NPAS3: variants seen among roughly 807,000 people sequenced by gnomAD.
NPAS3 encodes the protein neuronal PAS domain protein 3, also known as neuronal PAS domain-containing protein 3.
In NPAS3, 14 loss-of-function variants were observed where a neutral mutation model predicts 73.1. The ratio of observed to expected loss-of-function variants is 0.19; its 90% CI spans 0.13 to 0.30. The LOEUF (loss-of-function observed/expected upper bound fraction) is 0.30, where lower values mean the gene tolerates loss of function less well. Among genes scored for constraint, NPAS3 ranks in the 10% least tolerant of loss-of-function variants. NPAS3 has a pLI of 1.00. For missense variants in NPAS3, 1,096 were observed against 1,250.0 expected (o/e 0.88, Z 1.86); for synonymous variants, 620 against 541.5 (o/e 1.14, Z -2.01).
intron 4 of NPAS3, among the ~76,000 whole-genome samples, chr14:33,494,501 G>C (rs1233385798): frequency 6.6e-6 from 1 of 152,112 alleles, no homozygotes; most frequent in Non-Finnish European, 1.5e-5. Context: ...CTCAAAACAA[G>C]TTGCTTCCCA....
At chr14:33,365,842 A>G (rs1283967583) in intron 3 of NPAS3, among the ~76,000 whole-genome samples, 1 of 152,166 alleles carries the variant, frequency 6.6e-6, no homozygotes, top group Non-Finnish European at 1.5e-5. Flanking sequence ...CCCACTCACC[A>G]ACTTAGTAAC....
At chr14:32,936,690 T>G (rs1350165199), upstream of NPAS3, among the ~76,000 whole-genome samples, 1 of 152,098 alleles carries the variant, frequency 6.6e-6, no homozygotes, top group East Asian at 1.9e-4. Context: ...CCATATAAAT[T>G]GGGCATAAAA....
intron 4 of NPAS3, among the ~76,000 whole-genome samples, chr14:33,409,098 G>A (rs2047798293): frequency 6.6e-6 from 1 of 152,116 alleles, no homozygotes; most frequent in East Asian, 1.9e-4. Flanking sequence ...TTAAATGCTT[G>A]ACTTTATTTG....
At chr14:33,436,432 T>G (rs2048994555) in intron 4 of NPAS3, among the ~76,000 whole-genome samples, 1 of 152,234 alleles carries the variant, frequency 6.6e-6, no homozygotes, top group Middle Eastern at 3.2e-3. Flanking sequence ...TATTAACTGC[T>G]TATTTCAATG....
chr14:33,456,142 T>C (rs8003435), intron 4 of NPAS3, among the ~76,000 whole-genome samples: 133,734 of 152,238 alleles, frequency 0.88, 58,910 homozygotes, highest in East Asian at 0.98. Flanking sequence ...ATCTGTGAGA[T>C]ATGGCTTCCA....
chr14:33,563,587 TAAC>T (rs1288746461), intron 5 of NPAS3, among the ~76,000 whole-genome samples: 1 of 139,846 alleles, frequency 7.2e-6, no homozygotes, highest in African/African-American at 2.8e-5. Flanking sequence ...ATATTTAACC[TAAC>T]AACATCCAAG....
In NPAS3 at chr14:33,014,701, T is replaced by C. The variant is rs545744341; in HGVS notation, c.51-41204T>C. On this transcript the variant is annotated intron_variant, in intron 1 of 11. Coordinates refer to ENST00000356141, the Ensembl canonical transcript of NPAS3. Reference sequence around the variant, plus strand: ...TGGGTAATAATATTACTTCTTAGATTATTTTTTGATGAGGGAAAAATGAAT... The same window carrying C: ...TGGGTAATAATATTACTTCTTAGATCATTTTTTGATGAGGGAAAAATGAAT... Among the ~76,000 whole-genome samples, 12 of 152,336 alleles carry C rather than the reference T, an allele frequency of 7.9e-5. No homozygotes were observed. In the South Asian group the frequency reaches 2.5e-3, roughly 32 times the overall value.
At chr14:33,115,349 T>C (rs1279229629) in intron 2 of NPAS3, among the ~76,000 whole-genome samples, 3 of 152,126 alleles carry the variant, frequency 2.0e-5, no homozygotes, top group African/African-American at 7.2e-5. Context: ...AGGCTAGTCT[T>C]CCCAGAGGTT....
rs2055111850 is a variant in NPAS3, at chr14:33,551,475, G to T, written c.469-8646G>T. On this transcript the variant is annotated intron_variant, in intron 4 of 11. Coordinates refer to ENST00000356141, the Ensembl canonical transcript of NPAS3. ...TGTGGGTTTCCCTGCCAACATCAGGGGTGTGTTTTCAGGTAAGTGAGGCTG... is the reference window on the plus strand; with the variant it reads ...TGTGGGTTTCCCTGCCAACATCAGGTGTGTGTTTTCAGGTAAGTGAGGCTG... Among the ~76,000 whole-genome samples, 3 of 152,110 alleles carry T rather than the reference G, an allele frequency of 2.0e-5. 1 individual carries two copies. The South Asian group carries it at 6.2e-4, about 32-fold the overall frequency.
At chr14:33,052,311 C>T (rs186400269) in intron 1 of NPAS3, among the ~76,000 whole-genome samples, 78 of 152,168 alleles carry the variant, frequency 5.1e-4, no homozygotes, top group African/African-American at 1.8e-3. Context: ...TCTCTGGTAG[C>T]TTATCTTCCC....
intron 5 of NPAS3, among the ~76,000 whole-genome samples, chr14:33,600,221 CTGTT>C (rs1472151199): frequency 1.3e-5 from 2 of 152,170 alleles, no homozygotes; most frequent in African/African-American, 2.4e-5. Context: ...CTTTGAAAAA[CTGTT>C]TGACTAGTGC....
chr14:33,018,382 A>G (rs2039467961), intron 1 of NPAS3, among the ~76,000 whole-genome samples: 1 of 152,162 alleles, frequency 6.6e-6, no homozygotes, highest in Non-Finnish European at 1.5e-5. Flanking sequence ...TTAAAGTGGG[A>G]TGGTCTTTTC....
intron 5 of NPAS3, among the ~76,000 whole-genome samples, chr14:33,646,163 A>G (rs1398252946): frequency 6.6e-6 from 1 of 152,130 alleles, no homozygotes; most frequent in Non-Finnish European, 1.5e-5. Flanking sequence ...CAAAATTGGG[A>G]CTGGAAGGCC....
At chr14:33,557,442 G>C (rs369549753) in intron 4 of NPAS3, among the ~76,000 whole-genome samples, 7 of 152,164 alleles carry the variant, frequency 4.6e-5, no homozygotes, top group African/African-American at 1.7e-4. Context: ...AAAGCAAGGG[G>C]TGATGTTTAA....
chr14:33,057,652 C>T lies in NPAS3; in HGVS notation c.140+1658C>T, dbSNP rs2040938675. Among the ~76,000 whole-genome samples the T allele has an allele frequency of 3.9e-5, 6 of 152,206 alleles. 1 individual carries two copies. The South Asian group carries it at 1.2e-3, about 31-fold the overall frequency. On this transcript the variant is annotated intron_variant, in intron 2 of 11. Transcript: ENST00000356141. ...CTTCCCTGCTAGCTGTAGGAATCAT[C>T]TCAAGGGCTTGCTTTTTAAAGAATT...
rs193039461 is a variant in NPAS3, at chr14:33,248,316, C to T, written c.385+32890C>T. On this transcript the variant is annotated intron_variant, in intron 3 of 11. Transcript: ENST00000356141. ...CATAAAAACAATTTAAAATTCTTAC[C>T]GGTATGTTAAACAGCCTCCAATTCT... Among the ~76,000 whole-genome samples, 248 of 152,224 alleles carry T rather than the reference C, an allele frequency of 1.6e-3. 1 individual carries two copies. Among genetic ancestry groups the T allele is most frequent in the African/African-American group, 5.5e-3 (230 of 41,546 alleles).
chr14:32,968,389 A>G (rs563479917), intron 1 of NPAS3, among the ~76,000 whole-genome samples: 2 of 152,162 alleles, frequency 1.3e-5, no homozygotes, highest in Admixed American at 6.5e-5. Context: ...ACATTAAAAA[A>G]CTTCCTAATG....
chr14:33,092,499 G>A (rs1374869687), intron 2 of NPAS3, among the ~76,000 whole-genome samples: 1 of 152,176 alleles, frequency 6.6e-6, no homozygotes, highest in Admixed American at 6.5e-5. Context: ...ACATTCCATG[G>A]TCGTGGATAG....
intron 5 of NPAS3, among the ~76,000 whole-genome samples, chr14:33,602,178 G>A (rs187899054): frequency 5.4e-4 from 83 of 152,322 alleles, no homozygotes; most frequent in African/African-American, 1.8e-3. Flanking sequence ...TTGCCCCTAA[G>A]TATTCAGCCG....
Sources: gnomAD v4.1 joint callset for allele counts (sites outside exome capture counted in the v4.1 genomes callset) on GRCh38, gnomAD v4.1.1 for gene constraint, MANE v1.5 for transcripts, NCBI Gene and HGNC (gene_info 2026-07-23, HGNC 2026-07-21) for gene names.